Variants in THEMIS observed in about 807,000 individuals in gnomAD.
The protein encoded by THEMIS is protein THEMIS.
Under a neutral mutation model 52.6 loss-of-function variants are expected in THEMIS, and 37 were observed. The ratio of observed to expected loss-of-function variants is 0.70; its 90% CI spans 0.54 to 0.93. The LOEUF is 0.93. THEMIS is among the 40% of genes least tolerant of loss of function. The pLI, the probability that THEMIS is intolerant of heterozygous loss-of-function variation, is 0.00. For missense variants in THEMIS, 808 were observed against 763.1 expected (o/e 1.06, Z -0.69); for synonymous variants, 292 against 272.7 (o/e 1.07, Z -0.70).
In THEMIS at chr6:127,779,988, G is replaced by A. The variant is rs192779230; in HGVS notation, c.1758+32895C>T. 5.1e-4 allele frequency among the ~76,000 whole-genome samples: 77 copies of A among 152,160 alleles called. 2 individuals carry two copies. In the East Asian group the frequency reaches 0.012, roughly 23 times the overall value. ...CTGTCTTGTTGATCTGTCTAATATG[G>A]GCAGCAGAGTGTTAAAGTCTCCCAA... On this transcript the variant is annotated intron_variant, in intron 4 of 5. Transcript: ENST00000368248.
intron 3 of THEMIS, among the ~76,000 whole-genome samples, chr6:127,814,869 T>A (rs113035365): frequency 0.013 from 2,009 of 152,282 alleles, 46 homozygotes; most frequent in African/African-American, 0.046. Flanking sequence ...AATAAACTTA[T>A]GTATTGGCCA....
the THEMIS span, among the ~76,000 whole-genome samples, chr6:127,703,070 C>A: frequency 8.0e-5 from 3 of 37,340 alleles, no homozygotes; most frequent in Admixed American, 1.0e-3. Context: ...TTTTTTGAGA[C>A]GGAGTCTCGC....
intron 3 of THEMIS, among the ~76,000 whole-genome samples, chr6:127,817,473 T>C (rs906502094): frequency 1.3e-5 from 2 of 152,230 alleles, no homozygotes; most frequent in African/African-American, 4.8e-5. Flanking sequence ...TTGTATTTAA[T>C]GTCTTCAACA....
intron 3 of THEMIS, among the ~76,000 whole-genome samples, chr6:127,815,144 CCT>C: frequency 6.6e-6 from 1 of 151,628 alleles, no homozygotes; most frequent in East Asian, 1.9e-4. Context: ...AGAGTGAGAC[CCT>C]GTCTCAAAAC....
At chr6:127,834,249 T>C (rs1778796115) in intron 2 of THEMIS, among the ~76,000 whole-genome samples, 1 of 152,048 alleles carries the variant, frequency 6.6e-6, no homozygotes, top group African/African-American at 2.4e-5. Context: ...GACTATAGAA[T>C]GCCTGTGTTC....
intron 3 of THEMIS, among the ~76,000 whole-genome samples, chr6:127,821,369 C>T (rs1293256306): frequency 1.3e-5 from 2 of 152,012 alleles, no homozygotes; most frequent in Non-Finnish European, 2.9e-5. Flanking sequence ...GACTGAGAAA[C>T]ATTCCTGGAG....
chr6:127,756,777 C>T (rs759110407), intron 4 of THEMIS, among the ~76,000 whole-genome samples: 33 of 152,058 alleles, frequency 2.2e-4, no homozygotes, highest in Non-Finnish European at 2.1e-4. Context: ...AGTTTGCCAG[C>T]CAATTATTTA....
chr6:127,700,208 T>C, the THEMIS span, among the ~76,000 whole-genome samples: 24 of 151,882 alleles, frequency 1.6e-4, no homozygotes, highest in Admixed American at 9.2e-4. Context: ...GTAGTCTTCC[T>C]CTAACAGTGT....
intron 1 of THEMIS, among the ~76,000 whole-genome samples, chr6:127,876,814 G>A (rs554940664): frequency 3.3e-5 from 5 of 152,192 alleles, no homozygotes; most frequent in South Asian, 2.1e-4. Flanking sequence ...TTGGACATAC[G>A]TGGAAATAAA....
intron 4 of THEMIS, among the ~76,000 whole-genome samples, chr6:127,785,504 C>T (rs571001045): frequency 5.3e-5 from 8 of 151,146 alleles, no homozygotes; most frequent in African/African-American, 1.9e-4. Flanking sequence ...ATACTTTCTC[C>T]AGATTGATAC....
At chr6:127,755,351 T>C (rs1297064534) in intron 4 of THEMIS, among the ~76,000 whole-genome samples, 1 of 152,200 alleles carries the variant, frequency 6.6e-6, no homozygotes, top group African/African-American at 2.4e-5. Context: ...GGATTTCTGC[T>C]GAGAAAACAA....
At chr6:127,769,483 CA>C (rs1776306805) in intron 4 of THEMIS, among the ~76,000 whole-genome samples, 1 of 151,886 alleles carries the variant, frequency 6.6e-6, no homozygotes, top group Non-Finnish European at 1.5e-5. Flanking sequence ...GAGAGAGTGG[CA>C]CAGACGAAGC....
At chr6:127,826,449 C>G (rs73595735) in intron 3 of THEMIS, among the ~76,000 whole-genome samples, 316 of 152,122 alleles carry the variant, frequency 2.1e-3, no homozygotes, top group African/African-American at 7.2e-3. Flanking sequence ...GATTTCAGCC[C>G]TTTGCTTATA....
At chr6:127,764,336 T>TTA (rs373410154) in intron 4 of THEMIS, among the ~76,000 whole-genome samples, 5 of 152,070 alleles carry the variant, frequency 3.3e-5, no homozygotes, top group African/African-American at 1.2e-4. Flanking sequence ...ATTTTTTTTT[T>TTA]ACTATAGTAA....
chr6:127,786,166 T>C (rs1776941416), intron 4 of THEMIS, among the ~76,000 whole-genome samples: 1 of 152,162 alleles, frequency 6.6e-6, no homozygotes, highest in African/African-American at 2.4e-5. Flanking sequence ...TAAAAGTACA[T>C]AAATAAATGT....
intron 4 of THEMIS, among the ~76,000 whole-genome samples, chr6:127,739,589 G>A (rs961097234): frequency 2.6e-5 from 4 of 152,104 alleles, no homozygotes; most frequent in Non-Finnish European, 5.9e-5. Context: ...ACTGTGAGCC[G>A]AGATAGCACC....
chr6:127,840,058 C>T lies in THEMIS; in HGVS notation c.251-10124G>A, dbSNP rs146349108. Among the ~76,000 whole-genome samples the T allele has an allele frequency of 7.0e-3, 1,068 of 152,172 alleles. 11 individuals are homozygous for T. The highest frequency in any genetic ancestry group is 0.012 in the Non-Finnish European group (805 of 67,972). Reference sequence around the variant, plus strand: ...AGATGGGAAAGACAAACAGTTAAGTCACACCCTCAAAAAAGCAGTTAGATT... The same window carrying T: ...AGATGGGAAAGACAAACAGTTAAGTTACACCCTCAAAAAAGCAGTTAGATT... On this transcript the variant is annotated intron_variant, in intron 2 of 5. Coordinates refer to ENST00000368248, the MANE Select transcript of THEMIS (RefSeq NM_001010923.3).
chr6:127,854,277 C>T (rs1014229284), intron 2 of THEMIS, among the ~76,000 whole-genome samples: 2 of 151,784 alleles, frequency 1.3e-5, no homozygotes, highest in Non-Finnish European at 2.9e-5. Context: ...TCCAGAGCTG[C>T]TTTCGTGCTA....
chr6:127,697,698 C>T, the THEMIS span, among the ~76,000 whole-genome samples: 2 of 152,120 alleles, frequency 1.3e-5, no homozygotes, highest in African/African-American at 4.8e-5. Flanking sequence ...TTGGTATTCT[C>T]TCTCCAGATG....
Sources: gnomAD v4.1 joint callset for allele counts (sites outside exome capture counted in the v4.1 genomes callset) on GRCh38, gnomAD v4.1.1 for gene constraint, MANE v1.5 for transcripts, NCBI Gene and HGNC (gene_info 2026-07-23, HGNC 2026-07-21) for gene names.